C13orf42: variants seen among roughly 807,000 people sequenced by gnomAD.
C13orf42 encodes the protein chromosome 13 open reading frame 42.
intron 1 of C13orf42, among the ~76,000 whole-genome samples, chr13:51,150,753 TG>T (rs1953772413): frequency 1.3e-5 from 2 of 152,188 alleles, no homozygotes; most frequent in Admixed American, 1.3e-4. Flanking sequence ...GGGGCTATGT[TG>T]TTCCATCCCA....
chr13:51,087,873 T>C, intron 2 of C13orf42, 55 bp downstream of exon 2: 1 of 398,468 alleles, frequency 2.5e-6, no homozygotes, highest in East Asian at 3.6e-5. Context: ...CCTCACAGCA[T>C]CACAGCCCCA....
intron 1 of C13orf42, among the ~76,000 whole-genome samples, chr13:51,122,010 C>T (rs9596460): frequency 0.23 from 34,548 of 151,966 alleles, 5,171 homozygotes; most frequent in African/African-American, 0.42. Context: ...TTCCCTTTTA[C>T]GTGTCTGTAT....
chr13:51,168,137 G>C (rs1566144641), intron 1 of C13orf42, among the ~76,000 whole-genome samples: 1 of 152,216 alleles, frequency 6.6e-6, no homozygotes, highest in Non-Finnish European at 1.5e-5. Context: ...CTATGTACCA[G>C]ATGCTCCAAC....
At chr13:51,120,291 A>G (rs1408010627) in intron 1 of C13orf42, among the ~76,000 whole-genome samples, 1 of 152,086 alleles carries the variant, frequency 6.6e-6, no homozygotes, top group Non-Finnish European at 1.5e-5. Context: ...TTAGAAGTGG[A>G]CCTTTTTAAG....
At chr13:51,154,950 G>A (rs1953813849) in intron 1 of C13orf42, among the ~76,000 whole-genome samples, 1 of 152,188 alleles carries the variant, frequency 6.6e-6, no homozygotes. Context: ...GGTAGGACAG[G>A]AGTTTCCAAA....
chr13:51,153,768 A>G (rs1346379118), intron 1 of C13orf42, among the ~76,000 whole-genome samples: 1 of 150,932 alleles, frequency 6.6e-6, no homozygotes, highest in Non-Finnish European at 1.5e-5. Context: ...CAGCCTCCCA[A>G]ATAGCTGGGA....
intron 1 of C13orf42, among the ~76,000 whole-genome samples, chr13:51,101,685 T>A (rs1424210601): frequency 2.0e-5 from 3 of 152,096 alleles, no homozygotes; most frequent in Non-Finnish European, 4.4e-5. Context: ...AAAAGATAAA[T>A]AAGATATAAT....
At chr13:51,101,237 A>C (rs1387088639) in intron 1 of C13orf42, among the ~76,000 whole-genome samples, 2 of 152,234 alleles carry the variant, frequency 1.3e-5, no homozygotes, top group African/African-American at 4.8e-5. Context: ...ACATATGTGC[A>C]AATACACAGG....
At chr13:51,116,257 TGGGAGGTAGGGTAA>T (rs1953491041), upstream of C13orf42, among the ~76,000 whole-genome samples, 4 of 152,048 alleles carry the variant, frequency 2.6e-5, no homozygotes, top group South Asian at 8.3e-4. Flanking sequence ...CGTCTGACAA[TGGGAGGTAGGGTAA>T]CCCAGCTAAG....
At chr13:51,121,283 C>T (rs58805625) in intron 1 of C13orf42, among the ~76,000 whole-genome samples, 22,004 of 151,984 alleles carry the variant, frequency 0.14, 1,816 homozygotes, top group East Asian at 0.25. Context: ...ACCTCACTGG[C>T]GACCAAAGAC....
At chr13:51,133,187 C>T (rs1593546399) in intron 1 of C13orf42, among the ~76,000 whole-genome samples, 1 of 152,164 alleles carries the variant, frequency 6.6e-6, no homozygotes. Flanking sequence ...ACGGACTCAC[C>T]GTGAATTCTT....
chr13:51,095,912 C>A (rs2137984833), intron 1 of C13orf42, among the ~76,000 whole-genome samples: 1 of 152,226 alleles, frequency 6.6e-6, no homozygotes, highest in South Asian at 2.1e-4. Flanking sequence ...TGCTTTTTCA[C>A]ATAATTCATA....
intron 1 of C13orf42, among the ~76,000 whole-genome samples, chr13:51,106,784 C>T (rs1416688816): frequency 6.6e-6 from 1 of 152,180 alleles, no homozygotes; most frequent in Non-Finnish European, 1.5e-5. Context: ...CTTGACAAGA[C>T]ACACTTCAAA....
chr13:51,111,883 C>T (rs1467473355), upstream of C13orf42, among the ~76,000 whole-genome samples: 2 of 39,766 alleles, frequency 5.0e-5, no homozygotes, highest in Non-Finnish European at 7.7e-5. Flanking sequence ...CCTCGCCCTG[C>T]GGTAATGGAC....
intron 1 of C13orf42, among the ~76,000 whole-genome samples, chr13:51,089,528 G>T (rs1025007923): frequency 3.9e-5 from 6 of 151,976 alleles, no homozygotes; most frequent in African/African-American, 1.4e-4. Context: ...CCCTTTGCTC[G>T]CCCTCTCTCT....
intron 1 of C13orf42, among the ~76,000 whole-genome samples, chr13:51,136,040 G>A (rs768491979): frequency 1.5e-4 from 23 of 152,076 alleles, no homozygotes; most frequent in Non-Finnish European, 2.6e-4. Flanking sequence ...CCAAGGTCAC[G>A]GGTGAGAGTT....
intron 1 of C13orf42, among the ~76,000 whole-genome samples, chr13:51,144,525 G>A (rs1953720549): frequency 8.5e-6 from 1 of 117,902 alleles, no homozygotes; most frequent in Non-Finnish European, 1.9e-5. Context: ...ATTTGTAACA[G>A]GACCCAACTG....
At chr13:51,162,749 A>G (rs1953876322) in intron 1 of C13orf42, among the ~76,000 whole-genome samples, 1 of 152,164 alleles carries the variant, frequency 6.6e-6, no homozygotes, top group Non-Finnish European at 1.5e-5. Flanking sequence ...GCTCAATGCG[A>G]TATTTGAATA....
At chr13:51,113,566 T>TTGTG (rs3990095), upstream of C13orf42, among the ~76,000 whole-genome samples, 28 of 148,112 alleles carry the variant, frequency 1.9e-4, no homozygotes, top group Middle Eastern at 3.4e-3. Context: ...AAAGTGTATT[T>TTGTG]TGTGTGTGTG....
Sources: gnomAD v4.1 joint callset for allele counts (sites outside exome capture counted in the v4.1 genomes callset) on GRCh38, gnomAD v4.1.1 for gene constraint, MANE v1.5 for transcripts, NCBI Gene and HGNC (gene_info 2026-07-23, HGNC 2026-07-21) for gene names.